PTPRK: variants seen among roughly 807,000 people sequenced by gnomAD.
The protein encoded by PTPRK is protein tyrosine phosphatase receptor type K.
A neutral mutation model predicts 178.0 loss-of-function variants in PTPRK; 75 were observed. The observed-to-expected ratio is 0.42, with a 90% CI of 0.35 to 0.51. The LOEUF (loss-of-function observed/expected upper bound fraction) is 0.51, where lower values mean the gene tolerates loss of function less well. PTPRK is among the 20% of genes least tolerant of loss of function. The pLI is 0.02. For missense variants in PTPRK, 1,441 were observed against 1,797.8 expected (o/e 0.80, Z 3.59); for synonymous variants, 637 against 620.6 (o/e 1.03, Z -0.39).
chr6:128,216,178 C>T (rs1809248989), intron 6 of PTPRK, among the ~76,000 whole-genome samples: 1 of 152,122 alleles, frequency 6.6e-6, no homozygotes, highest in South Asian at 2.1e-4. Context: ...AAAATGCCAT[C>T]ATCTTTCAAC....
chr6:128,103,457 G>A (rs1789131883), intron 7 of PTPRK, among the ~76,000 whole-genome samples: 1 of 152,144 alleles, frequency 6.6e-6, no homozygotes, highest in Admixed American at 6.5e-5. Context: ...GGCTTCAGGA[G>A]TCACAGGCAC....
At chr6:128,079,425 T>C (rs1784416105) in intron 10 of PTPRK, among the ~76,000 whole-genome samples, 1 of 151,866 alleles carries the variant, frequency 6.6e-6, no homozygotes, top group African/African-American at 2.4e-5. Flanking sequence ...AAGAGAAACA[T>C]ACCAAGAAGT....
Position 128,323,436 on chromosome 6 carries a change from T to C in PTPRK, c.224-1126A>G, listed in dbSNP as rs117458521. On this transcript the variant is annotated intron_variant, in intron 2 of 29. Transcript: ENST00000368226. ...GTAATTTTAACCAAAATATATCAGATGTAGTGTTATAAAACTCAGTGTTAT... is the reference window on the plus strand; with the variant it reads ...GTAATTTTAACCAAAATATATCAGACGTAGTGTTATAAAACTCAGTGTTAT... 1.4e-4 allele frequency among the ~76,000 whole-genome samples: 22 copies of C among 152,266 alleles called. No individual in the cohort carries two copies. In the East Asian group the frequency reaches 4.1e-3, roughly 28 times the overall value.
At chr6:128,188,043 A>G (rs1222810936) in intron 6 of PTPRK, among the ~76,000 whole-genome samples, 1 of 152,182 alleles carries the variant, frequency 6.6e-6, no homozygotes, top group Non-Finnish European at 1.5e-5. Flanking sequence ...AATATTCTTC[A>G]TAACAATACA....
At chr6:127,971,470 C>T (rs996412973) in intron 29 of PTPRK, among the ~76,000 whole-genome samples, 10 of 152,032 alleles carry the variant, frequency 6.6e-5, no homozygotes, top group Admixed American at 2.6e-4. Flanking sequence ...ACCACTGTGG[C>T]GAGTGCATTC....
At chr6:128,420,290 T>C (rs1404935267) in intron 1 of PTPRK, among the ~76,000 whole-genome samples, 1 of 152,190 alleles carries the variant, frequency 6.6e-6, no homozygotes, top group Non-Finnish European at 1.5e-5. Flanking sequence ...GATCCTTTTT[T>C]CTATGCATAG....
intron 2 of PTPRK, among the ~76,000 whole-genome samples, chr6:128,326,481 C>T (rs1479011378): frequency 6.6e-6 from 1 of 151,686 alleles, no homozygotes; most frequent in Non-Finnish European, 1.5e-5. Context: ...CAGTAATTTG[C>T]AAAATTACAG....
Position 127,981,273 on chromosome 6 carries a change from G to A in PTPRK, c.3554C>T (p.Thr1185Ile). ...GCAGTCTTCAGCTTGTAGTCGAGGG[G>A]TGACTGAATTCAGAGTCTAAAAAGA... ...KDEFQTLNSV[T>I]PRLQAEDCSI... is the part of the protein sequence containing the mutation. The change falls in exon 25 of 30, where the codon ACC becomes ATC. Residue 1185 changes from threonine to isoleucine, a missense_variant. Around this residue, in one of 4 missense-constraint regions of PTPRK, gnomAD observed 335 missense variants for 512.4 expected, o/e 0.65. Coordinates refer to ENST00000368226, the MANE Select transcript of PTPRK (RefSeq NM_002844.4). 1 of 1,613,594 alleles carries A rather than the reference G, an allele frequency of 6.2e-7. No homozygotes were observed. Among genetic ancestry groups the A allele is most frequent in the Non-Finnish European group, 8.5e-7 (1 of 1,179,770 alleles).
intron 3 of PTPRK, among the ~76,000 whole-genome samples, chr6:128,301,663 A>G (rs113940301): frequency 2.6e-5 from 4 of 152,282 alleles, no homozygotes; most frequent in African/African-American, 9.6e-5. Context: ...GCCTTTTCAG[A>G]AGAAAGTAAT....
At chr6:128,206,035 G>C (rs1285508434) in intron 6 of PTPRK, among the ~76,000 whole-genome samples, 1 of 151,678 alleles carries the variant, frequency 6.6e-6, no homozygotes, top group East Asian at 1.9e-4. Flanking sequence ...GGAGAAAAAA[G>C]AAATTATGTT....
chr6:127,973,471 A>G (rs1230218302), intron 28 of PTPRK, among the ~76,000 whole-genome samples, 193 bp downstream of exon 28: 1 of 152,218 alleles, frequency 6.6e-6, no homozygotes, highest in East Asian at 1.9e-4. Flanking sequence ...TAATATAGCT[A>G]TATAATAATC....
intron 7 of PTPRK, among the ~76,000 whole-genome samples, chr6:128,178,030 C>G (rs1801346030): frequency 1.3e-5 from 2 of 151,770 alleles, no homozygotes; most frequent in South Asian, 4.1e-4. Flanking sequence ...CTTATGGTGA[C>G]TACTGGCTAG....
intron 7 of PTPRK, among the ~76,000 whole-genome samples, chr6:128,119,916 C>G (rs1466610606): frequency 6.6e-6 from 1 of 151,882 alleles, no homozygotes; most frequent in Non-Finnish European, 1.5e-5. Context: ...TTCTTTGGTT[C>G]CTACAACAAC....
At chr6:128,256,081 T>G (rs1386092468) in intron 3 of PTPRK, among the ~76,000 whole-genome samples, 1 of 152,218 alleles carries the variant, frequency 6.6e-6, no homozygotes, top group East Asian at 1.9e-4. Context: ...TGGACTAATA[T>G]CTGACAGAAA....
rs561323458 is a variant in PTPRK at position 128,245,987 on chromosome 6, C to T, written c.496-3385G>A. Among the ~76,000 whole-genome samples the T allele has an allele frequency of 5.3e-5, 8 of 152,140 alleles. No homozygotes were observed. The South Asian group carries it at 8.3e-4, about 16-fold the overall frequency. On this transcript the variant is annotated intron_variant, in intron 3 of 29. Coordinates refer to ENST00000368226, the MANE Select transcript of PTPRK (RefSeq NM_002844.4). ...ACCCCATAATATGAATATAATACAGCTTTCAAAAAAAGTTTTCTAAGGATT... is the reference window on the plus strand; with the variant it reads ...ACCCCATAATATGAATATAATACAGTTTTCAAAAAAAGTTTTCTAAGGATT...
At chr6:128,099,653 A>C (rs1490256270) in intron 7 of PTPRK, among the ~76,000 whole-genome samples, 2 of 152,078 alleles carry the variant, frequency 1.3e-5, no homozygotes, top group Non-Finnish European at 2.9e-5. Flanking sequence ...CTATTGATAC[A>C]CACTTTAACA....
intron 13 of PTPRK, among the ~76,000 whole-genome samples, chr6:128,044,664 T>G (rs898467496): frequency 2.2e-4 from 33 of 151,948 alleles, no homozygotes; most frequent in Admixed American, 1.6e-3. Flanking sequence ...TTTTTTCCAT[T>G]TAAGTCTCAG....
intron 1 of PTPRK, among the ~76,000 whole-genome samples, chr6:128,454,374 C>G (rs1290194356): frequency 6.6e-6 from 1 of 152,176 alleles, no homozygotes; most frequent in Non-Finnish European, 1.5e-5. Flanking sequence ...ATCTAAATAG[C>G]AAAGATTTGT....
chr6:128,021,115 T>C (rs1256137513), intron 13 of PTPRK, among the ~76,000 whole-genome samples: 1 of 152,206 alleles, frequency 6.6e-6, no homozygotes, highest in Non-Finnish European at 1.5e-5. Context: ...TCCTAAAATA[T>C]TTTTTGGCCT....
Sources: gnomAD v4.1 joint callset for allele counts (sites outside exome capture counted in the v4.1 genomes callset) on GRCh38, gnomAD v4.1.1 for gene constraint, gnomAD v4.1.1 regional missense constraint, MANE v1.5 for transcripts, NCBI Gene and HGNC (gene_info 2026-07-23, HGNC 2026-07-21) for gene names.